PDS5A: variants seen among roughly 807,000 people sequenced by gnomAD.
PDS5A encodes sister chromatid cohesion protein PDS5 homolog A.
In PDS5A, 42 loss-of-function variants were observed where a neutral mutation model predicts 167.1. That is an observed-to-expected ratio of 0.25 (90% confidence interval 0.20 to 0.33). PDS5A has a LOEUF of 0.33. Among genes scored for constraint, PDS5A ranks in the 10% least tolerant of loss-of-function variants. PDS5A has a pLI of 1.00. For synonymous variants in PDS5A, 553 were observed against 554.6 expected (o/e 1.00, Z 0.04); for missense variants, 1,033 against 1,605.9 (o/e 0.64, Z 6.10).
chr4:39,914,238 T>G (rs1478295461), intron 8 of PDS5A, among the ~76,000 whole-genome samples: 1 of 148,006 alleles, frequency 6.8e-6, no homozygotes, highest in Non-Finnish European at 1.5e-5. Flanking sequence ...CTCAGCTCAC[T>G]GCAACCTCTG....
chr4:39,973,433 T>C (rs1730762079), intron 2 of PDS5A: 3 of 1,452,190 alleles, frequency 2.1e-6, no homozygotes, highest in Admixed American at 1.7e-5. Flanking sequence ...ACAGCAGGAG[T>C]AGCTGCAGCC....
At chr4:39,954,293 G>C (rs1424111870) in intron 2 of PDS5A, among the ~76,000 whole-genome samples, 1 of 152,054 alleles carries the variant, frequency 6.6e-6, no homozygotes, top group Non-Finnish European at 1.5e-5. Context: ...CCAGGAGTTT[G>C]AGGCTGCAAT....
chr4:39,860,146 G>T (rs1718863884), intron 26 of PDS5A, among the ~76,000 whole-genome samples: 2 of 152,052 alleles, frequency 1.3e-5, no homozygotes, highest in African/African-American at 4.8e-5. Context: ...CTCACTGCTG[G>T]ATATATATCC....
At chr4:39,854,791 C>T (rs533148067) in intron 26 of PDS5A, among the ~76,000 whole-genome samples, 11 of 152,168 alleles carry the variant, frequency 7.2e-5, no homozygotes, top group Admixed American at 7.2e-4. Flanking sequence ...ATTGAAAGTA[C>T]TCTATAAATA....
At chr4:39,884,051 C>G (rs1334584021) in intron 17 of PDS5A, among the ~76,000 whole-genome samples, 1 of 152,076 alleles carries the variant, frequency 6.6e-6, no homozygotes, top group Admixed American at 6.5e-5. Context: ...GCCTCAGCCT[C>G]CTGAGTAGCT....
chr4:39,929,914 C>CA (rs576020106), intron 2 of PDS5A, among the ~76,000 whole-genome samples: 4,634 of 142,504 alleles, frequency 0.033, 102 homozygotes, highest in East Asian at 0.055. Context: ...CCTGGCTAAT[C>CA]AAAAAAAAAA....
intron 2 of PDS5A, among the ~76,000 whole-genome samples, chr4:39,948,451 A>G (rs997050607): frequency 6.7e-6 from 1 of 148,814 alleles, no homozygotes; most frequent in African/African-American, 2.5e-5. Flanking sequence ...CAGCCTCCCG[A>G]GTAGCTGGGT....
Position 39,823,512 on chromosome 4 carries a change from C to T in PDS5A, c.*1973G>A, listed in dbSNP as rs536247323. On this transcript the variant is annotated 3_prime_UTR_variant, in exon 33 of 33. Coordinates refer to ENST00000303538, the MANE Select transcript of PDS5A (RefSeq NM_001100399.2). ...CAAAGGGAGGAAGAGACAAAGGTCC[C>T]TATCAATGCACTTTTTGTTGGTGAC... 3 of 152,706 alleles carry T rather than the reference C, an allele frequency of 2.0e-5. No individual in the cohort carries two copies. The East Asian group carries it at 5.8e-4, about 29-fold the overall frequency. 9.5% of individuals were successfully genotyped at this position (152,706 alleles called of 1,614,324 possible).
At chr4:39,914,207 G>C (rs1724151589) in intron 8 of PDS5A, among the ~76,000 whole-genome samples, 1 of 130,568 alleles carries the variant, frequency 7.7e-6, no homozygotes, top group African/African-American at 2.9e-5. Flanking sequence ...GTTTTCCCAA[G>C]CTAGAGTGCA....
chr4:39,847,069 C>T (rs1009639490), intron 28 of PDS5A: 1 of 151,794 alleles, frequency 6.6e-6, no homozygotes, highest in East Asian at 1.9e-4. Flanking sequence ...AAATAAGGAA[C>T]GTTGCATACT....
At chr4:39,907,533 C>A (rs1347609398) in intron 11 of PDS5A, among the ~76,000 whole-genome samples, 1 of 151,850 alleles carries the variant, frequency 6.6e-6, no homozygotes, top group Non-Finnish European at 1.5e-5. Context: ...TGACGCTATT[C>A]ATTAGTTGTA....
chr4:39,923,158 G>A (rs1725147698), intron 5 of PDS5A, among the ~76,000 whole-genome samples: 2 of 151,636 alleles, frequency 1.3e-5, no homozygotes, highest in East Asian at 1.9e-4. Context: ...GTGAAACCCC[G>A]TCTTTACAAA....
In PDS5A at chr4:39,958,042, C is replaced by T. The variant is rs1271301989; in HGVS notation, c.138+18398G>A. 2.0e-5 allele frequency among the ~76,000 whole-genome samples: 3 copies of T among 151,916 alleles called. No individual in the cohort carries two copies. The East Asian group carries it at 5.8e-4, about 30-fold the overall frequency. ...AGTAGCTGGGACTACAGGAGCACACCACCACACCTAGCTAATTTTTTGTAT... is the reference window on the plus strand; with the variant it reads ...AGTAGCTGGGACTACAGGAGCACACTACCACACCTAGCTAATTTTTTGTAT... On this transcript the variant is annotated intron_variant, in intron 2 of 32. Coordinates refer to ENST00000303538, the MANE Select transcript of PDS5A (RefSeq NM_001100399.2).
At chr4:39,966,835 T>C (rs892853794) in intron 2 of PDS5A, among the ~76,000 whole-genome samples, 1 of 150,026 alleles carries the variant, frequency 6.7e-6, no homozygotes, top group Non-Finnish European at 1.5e-5. Context: ...CCGTCTCTAC[T>C]AAAAATGCAA....
chr4:39,957,169 A>C (rs930637867), intron 2 of PDS5A, among the ~76,000 whole-genome samples: 1 of 152,168 alleles, frequency 6.6e-6, no homozygotes, highest in African/African-American at 2.4e-5. Flanking sequence ...ATAATTATAC[A>C]TGGCCACAGA....
intron 2 of PDS5A, among the ~76,000 whole-genome samples, chr4:39,935,522 G>C (rs1726512454): frequency 1.3e-5 from 2 of 152,146 alleles, no homozygotes; most frequent in Non-Finnish European, 2.9e-5. Flanking sequence ...CTCATTTCTA[G>C]AAAAGACTAT....
chr4:39,895,440 T>C (rs1044939320), intron 16 of PDS5A, among the ~76,000 whole-genome samples: 7 of 151,950 alleles, frequency 4.6e-5, no homozygotes, highest in Non-Finnish European at 1.0e-4. Flanking sequence ...ATAAACCATA[T>C]AATAAAAATG....
intron 11 of PDS5A, among the ~76,000 whole-genome samples, chr4:39,904,683 TGCTA>T (rs1190613782): frequency 6.6e-6 from 1 of 152,226 alleles, no homozygotes; most frequent in Non-Finnish European, 1.5e-5. Context: ...ATGCAAATAT[TGCTA>T]AATGATCTAC....
At chr4:39,949,824 A>AAAAAAAAAAAAAAG (rs1177595296) in intron 2 of PDS5A, among the ~76,000 whole-genome samples, 1 of 150,152 alleles carries the variant, frequency 6.7e-6, no homozygotes, top group East Asian at 1.9e-4. Flanking sequence ...TGTCTCAGAA[A>AAAAAAAAAAAAAAG]AAAAAAAAAA....
Sources: allele counts gnomAD v4.1 joint callset (sites outside exome capture counted in the v4.1 genomes callset), GRCh38; gene constraint gnomAD v4.1.1; transcripts MANE v1.5; gene names NCBI Gene and HGNC (gene_info 2026-07-23, HGNC 2026-07-21).